The following TEP1 variants were observed in gnomAD, a reference collection of about 807,000 sequenced individuals.
TEP1 encodes the protein telomerase associated protein 1.
In TEP1, 241 loss-of-function variants were observed where a neutral mutation model predicts 306.3. That is an observed-to-expected ratio of 0.79 (90% confidence interval 0.71 to 0.88). TEP1 has a LOEUF of 0.88. Among genes scored for constraint, TEP1 ranks in the 40% least tolerant of loss-of-function variants. The pLI, the probability that TEP1 is intolerant of heterozygous loss-of-function variation, is 0.00. For missense variants in TEP1, 3,051 were observed against 3,276.1 expected, an observed-to-expected ratio of 0.93 and a Z score of 1.68; for synonymous variants, 1,289 against 1,305.5, an observed-to-expected ratio of 0.99 and a Z score of 0.27.
chr14:20,403,454 G>C lies in TEP1; in HGVS notation c.1195-6C>G. Reference sequence around the variant, plus strand: ...GAAAATGGAGGCTCCATCCCCTGTAGGGACAGGAGAAGCAATTTCAAAAAA... The same window carrying C: ...GAAAATGGAGGCTCCATCCCCTGTACGGACAGGAGAAGCAATTTCAAAAAA... On this transcript the variant is annotated splice_region_variant and splice_polypyrimidine_tract_variant and intron_variant, in intron 6 of 54. Transcript: ENST00000262715. The C allele has an allele frequency of 6.2e-7, 1 of 1,614,114 alleles. No homozygotes were observed. The highest frequency in any genetic ancestry group is 8.5e-7 in the Non-Finnish European group (1 of 1,180,012).
chr14:20,404,982 A>T (rs1391942865), intron 4 of TEP1, among the ~76,000 whole-genome samples: 1 of 152,154 alleles, frequency 6.6e-6, no homozygotes, highest in Admixed American at 6.5e-5. Flanking sequence ...TCTTCTTCTG[A>T]GTCTACTGAC....
In TEP1 at chr14:20,380,981, T is replaced by C; in HGVS notation, c.4712A>G (p.His1571Arg). 6.2e-7 allele frequency: 1 copy of C among 1,614,008 alleles called. No homozygotes were observed. Among genetic ancestry groups the C allele is most frequent in the Non-Finnish European group, 8.5e-7 (1 of 1,180,018 alleles). Residue 1571 changes from histidine to arginine, a missense_variant, in exon 33 of 55, where the codon CAC (histidine) becomes CGC (arginine). Transcript: ENST00000262715. Reference protein sequence around the residue: ...FLTNLHVVAAHLELGLVSRLL... With the variant: ...FLTNLHVVAARLELGLVSRLL... ...CCGAGAGACCAGACCCAATTCCAAG[T>C]GTGCAGCCACCACATGGAGGTTGGT... is the stretch of plus-strand genomic sequence containing the variant.
intron 6 of TEP1, 58 bp downstream of exon 6, chr14:20,403,665 T>C (rs753439788): frequency 4.3e-6 from 7 of 1,610,362 alleles, no homozygotes; most frequent in Non-Finnish European, 5.9e-6. Flanking sequence ...GCATGCTCCC[T>C]TGTCCTGCCC....
Position 20,373,827 on chromosome 14 carries a change from A to G in TEP1, c.6472-17T>C. On this transcript the variant is annotated splice_polypyrimidine_tract_variant and intron_variant, in intron 44 of 54. Transcript: ENST00000262715. ...GTGCTCCTCCTGCCCACAGAGCACA[A>G]GATCAGAGCAGAGTCATATTGAGCA... 6.2e-7 allele frequency: 1 copy of G among 1,611,022 alleles called. No homozygotes were observed. The highest frequency in any genetic ancestry group is 1.1e-5 in the South Asian group (1 of 90,862).
intron 17 of TEP1, 91 bp downstream of exon 17, chr14:20,389,147 T>TAAAAA: frequency 5.8e-6 from 6 of 1,043,448 alleles, no homozygotes; most frequent in African/African-American, 1.7e-5. Context: ...GATTCTGTCT[T>TAAAAA]AAAAAAAAAA....
Position 20,367,272 on chromosome 14 carries a change from AG to A in TEP1, c.*1164del, listed in dbSNP as rs1351947359. On this transcript the variant is annotated 3_prime_UTR_variant, in exon 55 of 55. Coordinates refer to ENST00000262715, the MANE Select transcript of TEP1 (RefSeq NM_007110.5). ...CAGCTACTCGGGAGGCTAAGGCAGGAGAATCGCTTGAACCCAGGAAGCAGAG... is the reference window on the plus strand; with the variant it reads ...CAGCTACTCGGGAGGCTAAGGCAGGAAATCGCTTGAACCCAGGAAGCAGAG... The A allele has an allele frequency of 3.9e-5, 6 of 152,048 alleles. No homozygotes were observed. The highest frequency in any genetic ancestry group is 1.2e-4 in the African/African-American group (5 of 41,456). 9.4% of individuals were successfully genotyped at this position (152,048 alleles called of 1,614,324 possible). A position where few individuals can be genotyped will look rare whatever the true frequency, so the allele number is the denominator to read the frequency against.
rs1884500061 is a variant in TEP1 at position 20,366,925 on chromosome 14, G to GGAA, written c.*1509_*1511dup. The GGAA allele has an allele frequency of 6.6e-6, 1 of 152,244 alleles. No homozygotes were observed. The highest frequency in any genetic ancestry group is 6.5e-5 in the Admixed American group (1 of 15,278). 9.4% of individuals were successfully genotyped at this position (152,244 alleles called of 1,614,324 possible). A position where few individuals can be genotyped will look rare whatever the true frequency, so the allele number is the denominator to read the frequency against. On this transcript the variant is annotated 3_prime_UTR_variant, in exon 55 of 55. Transcript: ENST00000262715. ...CTAAAAGCATGGGCCAAGGGCAGGAGGAAGCTCTAGTTGTCTGTCTCCCAT... is the reference window on the plus strand; with the variant it reads ...CTAAAAGCATGGGCCAAGGGCAGGAGGAAGAAGCTCTAGTTGTCTGTCTCCCAT...
At position 20,403,425 on chromosome 14, in the gene TEP1, G is replaced by A. The variant is rs767125326; in HGVS notation, c.1218C>T (p.His406=). The A allele has an allele frequency of 6.2e-7, 1 of 1,614,166 alleles. No homozygotes were observed. The highest frequency in any genetic ancestry group is 1.7e-5 in the Admixed American group (1 of 60,020). The change falls in exon 7 of 55, where the codon CAC becomes CAT. Residue 406 remains histidine, a synonymous_variant. Transcript: ENST00000262715. ...ACCCTATGTACCTTGGAAAACATCT[G>A]TGAGAAAATGGAGGCTCCATCCCCT... is the stretch of plus-strand genomic sequence containing the variant. ...RSPGMEPPFS[H]RCFPRYIGFL... is the part of the protein sequence containing the mutation.
intron 15 of TEP1, 56 bp downstream of exon 15, chr14:20,390,625 C>G: frequency 6.6e-7 from 1 of 1,525,932 alleles, no homozygotes. Context: ...TGAAATATAT[C>G]AGTTGCAGAG....
chr14:20,390,896 G>A (rs777213576), intron 14 of TEP1, 42 bp downstream of exon 14: 13 of 1,613,048 alleles, frequency 8.1e-6, no homozygotes, highest in African/African-American at 1.3e-5. Context: ...CCAGGCCTGT[G>A]TCCTTCATGT....
Position 20,408,334 on chromosome 14 carries a change from G to T in TEP1, c.106C>A (p.Gln36Lys), listed in dbSNP as rs375047071. 195 of 1,613,594 alleles carry T rather than the reference G, an allele frequency of 1.2e-4. 4 individuals are homozygous for T. In the Middle Eastern group the frequency reaches 1.6e-3, roughly 14 times the overall value. The stretch of plus-strand genomic sequence containing the variant: ...ATATCTGAGTGGGTAGATACATGCT[G>T]ATGTAGTTTCTCCAAGGGCTGTAAG... ...PDLQPLEKLH[Q>K]HVSTHSDILS... The change falls in exon 2 of 55, where the codon CAG becomes AAG. Residue 36 changes from glutamine to lysine, a missense_variant. By Grantham distance (53) the Gln-to-Lys change is moderately conservative (BLOSUM62 1). Transcript: ENST00000262715.
chr14:20,382,000 T>C lies in TEP1; in HGVS notation c.4337A>G (p.Lys1446Arg), dbSNP rs992898475. ...SVWRTLPKGT[K>R]SWEEAVAAGN... ...AGCAGCCACTGCTTCTTCCCAGCTC[T>C]TAGTCCCCTTCGGTAGTGTCCGCCA... is the stretch of plus-strand genomic sequence containing the variant. The change falls in exon 30 of 55, where the codon AAG (lysine) becomes AGG (arginine). Residue 1446 changes from lysine to arginine, a missense_variant. Physicochemically the swap from Lys to Arg is conservative, Grantham distance 26 (BLOSUM62 2). Around this residue, in one of 3 missense-constraint regions of TEP1, gnomAD observed 1,540 missense variants for 1,705.9 expected, o/e 0.90. Coordinates refer to ENST00000262715, the MANE Select transcript of TEP1 (RefSeq NM_007110.5). The surrounding 1 kb of genome is among the most constrained non-coding windows in gnomAD (Gnocchi z 4.0). 31 of 1,614,040 alleles carry C rather than the reference T, an allele frequency of 1.9e-5. No individual in the cohort carries two copies. Among genetic ancestry groups the C allele is most frequent in the Non-Finnish European group, 2.5e-5 (29 of 1,180,034 alleles).
rs1386570757 is a variant in TEP1, at chr14:20,408,119, C to T, written c.321G>A (p.Leu107=). The T allele has an allele frequency of 4.3e-6, 7 of 1,610,012 alleles. No individual in the cohort carries two copies. The highest frequency in any genetic ancestry group is 5.9e-6 in the Non-Finnish European group (7 of 1,177,502). Residue 107 remains leucine (L), a synonymous_variant, in exon 2 of 55, where the codon TTG becomes TTA. Transcript: ENST00000262715. ...AGAGGGTGGCCAGGCACCGGTTCTC[C>T]AAGGAGAGGATGTCTGGGTGGGCAG... is the stretch of plus-strand genomic sequence containing the variant. The part of the protein sequence containing the change: ...HVSAHPDILS[L]ENRCLATLSS...
intron 20 of TEP1, among the ~76,000 whole-genome samples, chr14:20,385,639 C>G (rs1442117592): frequency 2.0e-5 from 3 of 152,224 alleles, no homozygotes; most frequent in Non-Finnish European, 2.9e-5. Context: ...TCCCAAACTG[C>G]TGGGATTATA....
chr14:20,377,360 TGAAGGGA>T lies in TEP1; in HGVS notation c.6001_6007del (p.Leu2002ProfsTer13). ...GAATCTGGACAGGAGCCAGAGGGAC[TGAAGGGA>T]GCATTCCTTGAGTGCCCAGCCCTGC... On this transcript the variant is annotated frameshift_variant, in exon 41 of 55. Coordinates refer to ENST00000262715, the MANE Select transcript of TEP1 (RefSeq NM_007110.5). LOFTEE classifies it high-confidence loss of function. 1 of 1,614,174 alleles carries T rather than the reference TGAAGGGA, an allele frequency of 6.2e-7. No homozygotes were observed. Among genetic ancestry groups the T allele is most frequent in the African/African-American group, 1.3e-5 (1 of 75,048 alleles).
At chr14:20,377,076 G>A (rs1483604458) in intron 41 of TEP1, among the ~76,000 whole-genome samples, 2 of 152,086 alleles carry the variant, frequency 1.3e-5, no homozygotes, top group Non-Finnish European at 2.9e-5. Context: ...TTAGCCGGGC[G>A]TGGAGGCGCA....
At chr14:20,406,003 C>A in intron 3 of TEP1, among the ~76,000 whole-genome samples, 1 of 130,624 alleles carries the variant, frequency 7.7e-6, no homozygotes. Flanking sequence ...CAGAGTGAGA[C>A]TCCATCTCAA....
At chr14:20,375,064 CT>C (rs1885092583) in intron 43 of TEP1, among the ~76,000 whole-genome samples, 1 of 146,678 alleles carries the variant, frequency 6.8e-6, no homozygotes, top group African/African-American at 2.6e-5. Flanking sequence ...GCACTCCAGC[CT>C]GGGCAACAAG....
Position 20,377,715 on chromosome 14 carries a change from C to T in TEP1, c.5760G>A (p.Gly1920=). 1 of 1,614,014 alleles carries T rather than the reference C, an allele frequency of 6.2e-7. No individual in the cohort carries two copies. Among genetic ancestry groups the T allele is most frequent in the South Asian group, 1.1e-5 (1 of 91,064 alleles). The part of the protein sequence containing the change: ...VWSGSLGRPR[G]HLGSLSLSPA... ...GAGAGAGAGAAAGGGAACCCAGGTG[C>T]CCACGGGGCCGACCCAGAGACCCTG... The change falls in exon 40 of 55, where the codon GGG becomes GGA. Residue 1920 remains glycine (G), a synonymous_variant. Coordinates refer to ENST00000262715, the MANE Select transcript of TEP1 (RefSeq NM_007110.5).
Sources: gnomAD v4.1 joint callset for allele counts (sites outside exome capture counted in the v4.1 genomes callset) on GRCh38, gnomAD v4.1.1 for gene constraint, gnomAD v4.1.1 regional missense constraint, Gnocchi (gnomAD v3.1) non-coding constraint, MANE v1.5 for transcripts, NCBI Gene and HGNC (gene_info 2026-07-23, HGNC 2026-07-21) for gene names.